The following REDIC1 variants were observed in gnomAD, a reference collection of about 807,000 sequenced individuals.
REDIC1 encodes HEI10 Interacting Protein 1.
the REDIC1 span, among the ~76,000 whole-genome samples, chr12:39,724,490 C>G: frequency 1.2e-4 from 18 of 152,122 alleles, no homozygotes; most frequent in Non-Finnish European, 2.6e-4. Flanking sequence ...CTTCTCCCAT[C>G]TGTCTCACTC....
chr12:39,812,653 A>G, the REDIC1 span, among the ~76,000 whole-genome samples: 2 of 151,170 alleles, frequency 1.3e-5, no homozygotes, highest in African/African-American at 4.9e-5. Context: ...GTATATTTTT[A>G]GTAGAGATGA....
chr12:39,830,208 A>G, the REDIC1 span: 1 of 1,613,494 alleles, frequency 6.2e-7, no homozygotes. Context: ...GTCTGGATCC[A>G]ACATACATTC....
At chr12:39,739,651 C>G in the REDIC1 span, among the ~76,000 whole-genome samples, 2 of 152,088 alleles carry the variant, frequency 1.3e-5, no homozygotes, top group Non-Finnish European at 2.9e-5. Context: ...TGCTCAGAGG[C>G]TTCATTTTTG....
At chr12:39,638,574 A>T in the REDIC1 span, among the ~76,000 whole-genome samples, 1 of 152,068 alleles carries the variant, frequency 6.6e-6, no homozygotes, top group Non-Finnish European at 1.5e-5. Flanking sequence ...GCTTATAAGA[A>T]TTCTGACTGA....
chr12:39,645,885 A>T, the REDIC1 span, among the ~76,000 whole-genome samples: 1 of 152,106 alleles, frequency 6.6e-6, no homozygotes, highest in South Asian at 2.1e-4. Flanking sequence ...TACAGGCATG[A>T]GCCACTATGC....
chr12:39,669,405 C>T, the REDIC1 span, among the ~76,000 whole-genome samples: 3 of 152,140 alleles, frequency 2.0e-5, no homozygotes, highest in African/African-American at 4.8e-5. Context: ...CCTTATTGTT[C>T]CTCTGGAAGT....
the REDIC1 span, among the ~76,000 whole-genome samples, chr12:39,862,693 G>A: frequency 6.6e-6 from 1 of 152,236 alleles, no homozygotes; most frequent in Middle Eastern, 3.4e-3. Context: ...AAGGGGAAAT[G>A]TATATAGATG....
chr12:39,749,205 C>A, the REDIC1 span, among the ~76,000 whole-genome samples: 1 of 151,996 alleles, frequency 6.6e-6, no homozygotes, highest in Non-Finnish European at 1.5e-5. Context: ...AGAGAAGAAT[C>A]AAATAGACAC....
the REDIC1 span, among the ~76,000 whole-genome samples, chr12:39,749,049 A>G: frequency 5.8e-4 from 88 of 152,302 alleles, no homozygotes; most frequent in Non-Finnish European, 1.2e-3. Context: ...AGCTAGCAGA[A>G]GGCAAGAAAT....
chr12:39,715,557 A>T, the REDIC1 span, among the ~76,000 whole-genome samples: 1 of 152,064 alleles, frequency 6.6e-6, no homozygotes, highest in South Asian at 2.1e-4. Context: ...ATCATTCTTC[A>T]CAGAACTAGA....
the REDIC1 span, among the ~76,000 whole-genome samples, chr12:39,795,271 G>A: frequency 5.7e-4 from 86 of 150,544 alleles, no homozygotes; most frequent in Admixed American, 8.6e-4. Flanking sequence ...TTTCATATCC[G>A]TCTTTCAGTT....
the REDIC1 span, among the ~76,000 whole-genome samples, chr12:39,713,355 CAT>C: frequency 0.046 from 6,295 of 137,838 alleles, 667 homozygotes; most frequent in African/African-American, 0.16. Context: ...TGTGTATACA[CAT>C]ATACGTGTAT....
the REDIC1 span, among the ~76,000 whole-genome samples, chr12:39,711,573 G>C: frequency 1.4e-5 from 1 of 69,228 alleles, no homozygotes. Flanking sequence ...GTGTATATGT[G>C]CATACACATG....
the REDIC1 span, among the ~76,000 whole-genome samples, chr12:39,874,509 G>C: frequency 9.2e-4 from 140 of 151,632 alleles, no homozygotes; most frequent in African/African-American, 3.3e-3. Flanking sequence ...TAGCTACTCA[G>C]GAGGCTAAGG....
At chr12:39,718,007 T>C in the REDIC1 span, among the ~76,000 whole-genome samples, 3 of 152,096 alleles carry the variant, frequency 2.0e-5, no homozygotes, top group Non-Finnish European at 4.4e-5. Flanking sequence ...TCTTTCATGA[T>C]TTTCTTGATT....
chr12:39,752,340 G>A, the REDIC1 span, among the ~76,000 whole-genome samples: 3 of 152,118 alleles, frequency 2.0e-5, no homozygotes, highest in East Asian at 3.9e-4. Context: ...AAGGGATCTA[G>A]GTTGTGCAGT....
At chr12:39,817,020 C>G in the REDIC1 span, among the ~76,000 whole-genome samples, 1 of 151,840 alleles carries the variant, frequency 6.6e-6, no homozygotes, top group Non-Finnish European at 1.5e-5. Flanking sequence ...ATACCAAGAA[C>G]CACAAATGCC....
chr12:39,654,460 C>A, the REDIC1 span, among the ~76,000 whole-genome samples: 2 of 151,896 alleles, frequency 1.3e-5, no homozygotes, highest in Non-Finnish European at 2.9e-5. Context: ...TGGTGGCGGG[C>A]GCCTGTAGTC....
At chr12:39,688,142 T>G in the REDIC1 span, among the ~76,000 whole-genome samples, 1 of 152,236 alleles carries the variant, frequency 6.6e-6, no homozygotes, top group Non-Finnish European at 1.5e-5. Context: ...TGTTATGCAC[T>G]AGACTCTGCA....
Sources: gnomAD v4.1 joint callset for allele counts (sites outside exome capture counted in the v4.1 genomes callset) on GRCh38, gnomAD v4.1.1 for gene constraint, MANE v1.5 for transcripts, NCBI Gene and HGNC (gene_info 2026-07-23, HGNC 2026-07-21) for gene names.